The following HNRNPA1L2 variants were observed in gnomAD, a reference collection of about 807,000 sequenced individuals.
The protein encoded by HNRNPA1L2 is heterogeneous nuclear ribonucleoprotein A1-like 2.
Under a neutral mutation model 18.2 loss-of-function variants are expected in HNRNPA1L2, and 10 were observed. That is an observed-to-expected ratio of 0.55 (90% confidence interval 0.34 to 0.93). The LOEUF is 0.93. HNRNPA1L2 is among the 40% of genes least tolerant of loss of function. HNRNPA1L2 has a pLI of 0.02. For missense variants in HNRNPA1L2, 308 were observed against 394.4 expected, an observed-to-expected ratio of 0.78 and a Z score of 1.85; for synonymous variants, 124 against 138.6, an observed-to-expected ratio of 0.89 and a Z score of 0.74.
chr13:52,623,206 C>T, the HNRNPA1L2 span, among the ~76,000 whole-genome samples: 1 of 152,118 alleles, frequency 6.6e-6, no homozygotes, highest in African/African-American at 2.4e-5. Context: ...TCAAGAATGG[C>T]ATTTTTAAGG....
chr13:52,639,896 GT>G (rs1199414232), upstream of HNRNPA1L2, among the ~76,000 whole-genome samples: 69 of 70,692 alleles, frequency 9.8e-4, no homozygotes, highest in Middle Eastern at 8.6e-3. Flanking sequence ...TTTTTTTTTT[GT>G]TTTTTTTTTT....
chr13:52,620,878 A>AG, the HNRNPA1L2 span, among the ~76,000 whole-genome samples: 1 of 52,288 alleles, frequency 1.9e-5, no homozygotes, highest in Non-Finnish European at 4.6e-5. Flanking sequence ...ACCCTGTCTC[A>AG]AAAAAAAAAA....
the HNRNPA1L2 span, among the ~76,000 whole-genome samples, chr13:52,633,053 G>T: frequency 6.6e-6 from 1 of 152,178 alleles, no homozygotes; most frequent in African/African-American, 2.4e-5. Flanking sequence ...CTCTTGAAAT[G>T]TTGCATTCTG....
the HNRNPA1L2 span, among the ~76,000 whole-genome samples, chr13:52,630,078 A>G: frequency 6.6e-6 from 1 of 152,162 alleles, no homozygotes; most frequent in African/African-American, 2.4e-5. Context: ...ATGGTAGATT[A>G]TTTGTGGCTA....
chr13:52,629,096 G>C, the HNRNPA1L2 span: 1 of 152,132 alleles, frequency 6.6e-6, no homozygotes, highest in Non-Finnish European at 1.5e-5. Context: ...GGCTGGTCTT[G>C]AACTCCTGAC....
chr13:52,637,964 A>G (rs1392824358), upstream of HNRNPA1L2, among the ~76,000 whole-genome samples: 1 of 152,236 alleles, frequency 6.6e-6, no homozygotes, highest in Non-Finnish European at 1.5e-5. Context: ...AGCCATCAGT[A>G]GAGTCCCAGC....
At chr13:52,636,550 A>G in the HNRNPA1L2 span, among the ~76,000 whole-genome samples, 1 of 152,216 alleles carries the variant, frequency 6.6e-6, no homozygotes, top group Non-Finnish European at 1.5e-5. Context: ...TTAAGCACAG[A>G]GGAAGTACTC....
upstream of HNRNPA1L2, chr13:52,641,922 T>A (rs2138084174): frequency 6.6e-6 from 1 of 152,572 alleles, no homozygotes; most frequent in Non-Finnish European, 1.5e-5. Context: ...ACTCAGGAGC[T>A]CACTGGTATC....
the HNRNPA1L2 span, among the ~76,000 whole-genome samples, chr13:52,632,213 C>T: frequency 6.6e-6 from 1 of 152,162 alleles, no homozygotes; most frequent in Non-Finnish European, 1.5e-5. Flanking sequence ...AATTAAGTTG[C>T]TGTAACTGAT....
chr13:52,622,157 G>T, the HNRNPA1L2 span: 1 of 163,632 alleles, frequency 6.1e-6, no homozygotes, highest in South Asian at 1.9e-4. Flanking sequence ...CACGAAAGTT[G>T]AATTGAGCAC....
In HNRNPA1L2 at chr13:52,642,739, G is replaced by A. The variant is rs781351238; in HGVS notation, c.247G>A (p.Val83Ile). The change falls in exon 1 of 1, where the codon GTT becomes ATT. Residue 83 changes from valine (V) to isoleucine (I), a missense_variant. Transcript: ENST00000357495. The stretch of plus-strand genomic sequence containing the variant: ...AACGCCACACAAGGTGGATGGAAGA[G>A]TTGTGGAACCAAAGAGAGCTGTCTC... ...NTTPHKVDGR[V>I]VEPKRAVSRE... 5.6e-6 allele frequency: 9 copies of A among 1,600,642 alleles called. No individual in the cohort carries two copies. Among genetic ancestry groups the A allele is most frequent in the African/African-American group, 2.7e-5 (2 of 74,874 alleles).
In HNRNPA1L2 at chr13:52,643,005, G is replaced by A. The variant is rs762221972; in HGVS notation, c.513G>A (p.Lys171=). 6.3e-7 allele frequency: 1 copy of A among 1,597,538 alleles called. No individual in the cohort carries two copies. Among genetic ancestry groups the A allele is most frequent in the South Asian group, 1.1e-5 (1 of 90,984 alleles). The change falls in exon 1 of 1, where the codon AAG becomes AAA. Residue 171 remains lysine (K), a synonymous_variant. Coordinates refer to ENST00000357495, the MANE Select transcript of HNRNPA1L2 (RefSeq NM_001389320.1). The part of the protein sequence containing the change: ...KIVIQKYHTV[K]GHNCEVRKAL... ...TCATTCAGAAATACCATACTGTGAA[G>A]GGCCACAACTGTGAAGTTAGAAAAG...
chr13:52,639,760 C>T (rs927813093), upstream of HNRNPA1L2, among the ~76,000 whole-genome samples: 8 of 149,502 alleles, frequency 5.4e-5, no homozygotes, highest in Non-Finnish European at 1.2e-4. Context: ...TATATGGAAA[C>T]CCTCATGCCT....
rs1961717099 is a variant in HNRNPA1L2 at position 52,643,101 on chromosome 13, T to C, written c.609T>C (p.Gly203=). 4 of 1,597,606 alleles carry C rather than the reference T, an allele frequency of 2.5e-6. No individual in the cohort carries two copies. Among genetic ancestry groups the C allele is most frequent in the Non-Finnish European group, 3.4e-6 (4 of 1,179,754 alleles). The change falls in exon 1 of 1, where the codon GGT becomes GGC. Residue 203 remains glycine, a synonymous_variant. Coordinates refer to ENST00000357495, the MANE Select transcript of HNRNPA1L2 (RefSeq NM_001389320.1). ...QRGRRGSGNF[G]GGRGDGFGGN... ...GTCGAAGGGGTTCTGGAAACTTTGGTGGTGGTCGTGGAGATGGTTTCGGTG... is the reference window on the plus strand; with the variant it reads ...GTCGAAGGGGTTCTGGAAACTTTGGCGGTGGTCGTGGAGATGGTTTCGGTG...
chr13:52,636,758 A>G, the HNRNPA1L2 span, among the ~76,000 whole-genome samples: 3 of 152,152 alleles, frequency 2.0e-5, no homozygotes, highest in African/African-American at 4.8e-5. Flanking sequence ...TTTTTCCAGT[A>G]GAAGGGGTAG....
the HNRNPA1L2 span, among the ~76,000 whole-genome samples, chr13:52,617,999 G>A: frequency 6.6e-6 from 1 of 152,190 alleles, no homozygotes. Flanking sequence ...CAAGATTTAT[G>A]TGATAGTCTC....
chr13:52,632,245 C>G, the HNRNPA1L2 span, among the ~76,000 whole-genome samples: 1 of 152,168 alleles, frequency 6.6e-6, no homozygotes. Flanking sequence ...TGAAGCAAAA[C>G]TTCAAGTGCA....
At chr13:52,620,764 C>A in the HNRNPA1L2 span, among the ~76,000 whole-genome samples, 1 of 152,058 alleles carries the variant, frequency 6.6e-6, no homozygotes, top group Middle Eastern at 3.2e-3. Context: ...TTAGTCCCAA[C>A]TACTCAGGAG....
At chr13:52,639,901 T>TTTTTG (rs1961599746), upstream of HNRNPA1L2, among the ~76,000 whole-genome samples, 1 of 143,006 alleles carries the variant, frequency 7.0e-6, no homozygotes, top group African/African-American at 2.7e-5. Flanking sequence ...TTTTTGTTTT[T>TTTTTG]TTTTTTTTGA....
Sources: allele counts gnomAD v4.1 joint callset (sites outside exome capture counted in the v4.1 genomes callset), GRCh38; gene constraint gnomAD v4.1.1; transcripts MANE v1.5; gene names NCBI Gene and HGNC (gene_info 2026-07-23, HGNC 2026-07-21).